Variants in SLC27A6 observed in about 807,000 individuals in gnomAD.
SLC27A6 encodes the protein long-chain fatty acid transport protein 6.
Under a neutral mutation model 63.9 loss-of-function variants are expected in SLC27A6, and 74 were observed. The observed-to-expected ratio is 1.16, with a 90% confidence interval of 0.96 to 1.40. The LOEUF is 1.40. Among genes scored for constraint, SLC27A6 ranks in the 40% most tolerant of loss-of-function variants. The pLI, the probability that SLC27A6 is intolerant of heterozygous loss-of-function variation, is 0.00. For missense variants in SLC27A6, 794 were observed against 732.9 expected (o/e 1.08, Z -0.96); for synonymous variants, 287 against 260.8 (o/e 1.10, Z -0.97).
intron 4 of SLC27A6, among the ~76,000 whole-genome samples, chr5:129,006,230 C>T (rs1370250322): frequency 1.3e-5 from 2 of 151,570 alleles, no homozygotes; most frequent in African/African-American, 4.8e-5. Context: ...AGGCGCCAGC[C>T]GCCGCGCCAG....
rs1025463953 is a variant in SLC27A6, at chr5:128,997,805, A to T, written c.969+7341A>T. On this transcript the variant is annotated intron_variant, in intron 4 of 9. Coordinates refer to ENST00000262462, the MANE Select transcript of SLC27A6 (RefSeq NM_001017372.3). Reference sequence around the variant, plus strand: ...TACGGAATCTAATGACATAGGCTTAATTTCAAGCTCCTGTTGTTTGACTTT... The same window carrying T: ...TACGGAATCTAATGACATAGGCTTATTTTCAAGCTCCTGTTGTTTGACTTT... 2.6e-5 allele frequency among the ~76,000 whole-genome samples: 4 copies of T among 152,164 alleles called. No individual in the cohort carries two copies. In the East Asian group the frequency reaches 5.8e-4, roughly 22 times the overall value.
At position 129,023,705 on chromosome 5, in the gene SLC27A6, A is replaced by T. The variant is rs138778175; in HGVS notation, c.1250A>T (p.Lys417Ile). 1.1e-4 allele frequency: 184 copies of T among 1,604,072 alleles called. No homozygotes were observed. The highest frequency in any genetic ancestry group is 1.4e-4 in the Non-Finnish European group (163 of 1,173,564). ...RNEQGWCIHV[K>I]KGEPGLLISR... ...GAGCAGGGTTGGTGTATTCATGTGA[A>T]AAAAGGTAAGACTTCTATTTGAAGA... is the stretch of plus-strand genomic sequence containing the variant. Residue 417 changes from lysine (K) to isoleucine (I), a missense_variant, in exon 6 of 10, where the codon AAA (lysine) becomes ATA (isoleucine). Transcript: ENST00000262462.
At chr5:128,974,216 G>A (rs924167328) in intron 1 of SLC27A6, among the ~76,000 whole-genome samples, 9 of 152,142 alleles carry the variant, frequency 5.9e-5, no homozygotes, top group Non-Finnish European at 1.0e-4. Flanking sequence ...AGTTTTACTT[G>A]TGCCAGCTTT....
chr5:128,992,647 G>A (rs966779428), intron 4 of SLC27A6, among the ~76,000 whole-genome samples: 1 of 152,176 alleles, frequency 6.6e-6, no homozygotes, highest in Non-Finnish European at 1.5e-5. Flanking sequence ...AAGGGAGGTA[G>A]TCTTAATCTA....
intron 5 of SLC27A6, 83 bp from the exon 6 acceptor site, chr5:129,023,537 G>A: frequency 1.1e-6 from 1 of 893,394 alleles, no homozygotes; most frequent in Non-Finnish European, 1.8e-6. Flanking sequence ...GTCTACTACA[G>A]TAGACTAAAT....
rs117492775 is a variant in SLC27A6, at chr5:129,027,775, T to C, written c.1454+444T>C. Among the ~76,000 whole-genome samples, 61 of 152,262 alleles carry C rather than the reference T, an allele frequency of 4.0e-4. No individual in the cohort carries two copies. In the East Asian group the frequency reaches 0.011, roughly 27 times the overall value. On this transcript the variant is annotated intron_variant, in intron 7 of 9. Coordinates refer to ENST00000262462, the MANE Select transcript of SLC27A6 (RefSeq NM_001017372.3). ...TATTTTGCTTTACTAGTCCAATGAC[T>C]TGAATGAATAAGTAACTTCCTACAT...
chr5:129,029,264 TTTTC>T (rs138035307), intron 8 of SLC27A6, among the ~76,000 whole-genome samples: 42 of 152,196 alleles, frequency 2.8e-4, no homozygotes, highest in African/African-American at 9.1e-4. Context: ...TAAATAAATG[TTTTC>T]TTTCTTAATA....
chr5:129,031,388 C>A (rs1481817325), intron 9 of SLC27A6, among the ~76,000 whole-genome samples: 1 of 151,912 alleles, frequency 6.6e-6, no homozygotes, highest in Non-Finnish European at 1.5e-5. Context: ...ATGGAAGAAG[C>A]CTTTTTGCCA....
At chr5:128,989,698 G>A (rs1750909761) in intron 3 of SLC27A6, among the ~76,000 whole-genome samples, 1 of 152,136 alleles carries the variant, frequency 6.6e-6, no homozygotes, top group South Asian at 2.1e-4. Context: ...GCTGAGGCAG[G>A]TGGATCACGA....
chr5:128,980,880 A>G (rs528273649), intron 1 of SLC27A6, among the ~76,000 whole-genome samples: 1 of 152,326 alleles, frequency 6.6e-6, no homozygotes, highest in Admixed American at 6.5e-5. Flanking sequence ...TTTTTAGTGC[A>G]GCATAAATAA....
chr5:129,007,314 C>T (rs1164890074), intron 4 of SLC27A6, among the ~76,000 whole-genome samples: 5 of 150,712 alleles, frequency 3.3e-5, no homozygotes, highest in African/African-American at 4.9e-5. Flanking sequence ...TGTGGTGGCA[C>T]GTACCTGTAA....
At position 129,029,660 on chromosome 5, in the gene SLC27A6, G is replaced by A; in HGVS notation, c.1636G>A (p.Val546Ile). Reference sequence around the variant, plus strand: ...TTTGGAAAAAGTTTATGAACAAGTTGTAACATTTCTACCAGCTTATGCTTG... The same window carrying A: ...TTTGGAAAAAGTTTATGAACAAGTTATAACATTTCTACCAGCTTATGCTTG... The part of the protein sequence containing the change: ...LDLEKVYEQV[V>I]TFLPAYACPR... Residue 546 changes from valine (V) to isoleucine (I), a missense_variant, in exon 9 of 10, where the codon GTA (valine) becomes ATA (isoleucine). Physicochemically the swap from Val to Ile is conservative, Grantham distance 29. Transcript: ENST00000262462. The A allele has an allele frequency of 6.2e-7, 1 of 1,601,494 alleles. No homozygotes were observed. The highest frequency in any genetic ancestry group is 8.5e-7 in the Non-Finnish European group (1 of 1,175,596).
At chr5:128,968,602 T>G (rs191858152) in intron 1 of SLC27A6, among the ~76,000 whole-genome samples, 362 of 152,316 alleles carry the variant, frequency 2.4e-3, no homozygotes, top group African/African-American at 8.6e-3. Context: ...CACTTTTTGA[T>G]GGGGTTGTTT....
At chr5:128,981,043 A>G (rs1416918435) in intron 1 of SLC27A6, among the ~76,000 whole-genome samples, 3 of 152,228 alleles carry the variant, frequency 2.0e-5, no homozygotes, top group Non-Finnish European at 4.4e-5. Flanking sequence ...CAGGGATTAT[A>G]ATTAACATTT....
chr5:128,970,941 G>T (rs370472193), intron 1 of SLC27A6, among the ~76,000 whole-genome samples: 1 of 152,150 alleles, frequency 6.6e-6, no homozygotes, highest in Non-Finnish European at 1.5e-5. Flanking sequence ...GTTTTCCAGA[G>T]ATTCTGATAT....
chr5:128,997,772 G>A (rs929963433), intron 4 of SLC27A6, among the ~76,000 whole-genome samples: 1 of 152,102 alleles, frequency 6.6e-6, no homozygotes, highest in Non-Finnish European at 1.5e-5. Context: ...ATCTGATAGT[G>A]CATTGGCTAC....
Position 128,985,132 on chromosome 5 carries a change from G to A in SLC27A6, c.482-1G>A, listed in dbSNP as rs892764808. 6.2e-7 allele frequency: 1 copy of A among 1,612,190 alleles called. No homozygotes were observed. Among genetic ancestry groups the A allele is most frequent in the African/African-American group, 1.3e-5 (1 of 74,950 alleles). ...ACTCTTCCCAACCCTTTGGCTTTTAGATTTGCTTGGAACGGTAGAAGAAAT... is the reference window on the plus strand; with the variant it reads ...ACTCTTCCCAACCCTTTGGCTTTTAAATTTGCTTGGAACGGTAGAAGAAAT... On this transcript the variant is annotated splice_acceptor_variant, in intron 1 of 9. Transcript: ENST00000262462. LOFTEE classifies it high-confidence loss of function.
Position 128,965,517 on chromosome 5 carries a change from G to A in SLC27A6, c.-621G>A, listed in dbSNP as rs926023625. 1 of 152,406 alleles carries A rather than the reference G, an allele frequency of 6.6e-6. No individual in the cohort carries two copies. The highest frequency in any genetic ancestry group is 2.4e-5 in the African/African-American group (1 of 41,454). 9.4% of individuals were successfully genotyped at this position (152,406 alleles called of 1,614,324 possible). ...CGCTGGCCCTGAGGCCACGGACCGA[G>A]ACGTGGTGCTGAGCCCCTGCGCGGT... On this transcript the variant is annotated 5_prime_UTR_variant, in exon 1 of 10. Transcript: ENST00000262462.
chr5:129,033,190 C>T lies in SLC27A6; in HGVS notation c.1768C>T (p.Pro590Ser). The T allele has an allele frequency of 6.2e-7, 1 of 1,607,534 alleles. No homozygotes were observed. The highest frequency in any genetic ancestry group is 8.5e-7 in the Non-Finnish European group (1 of 1,176,224). The change falls in exon 10 of 10, where the codon CCA becomes TCA. Residue 590 changes from proline (P) to serine (S), a missense_variant. Transcript: ENST00000262462. ...DGFNPLKISE[P>S]LYFMDNLKKS... ...ATTTAATCCACTGAAAATTTCTGAA[C>T]CACTTTACTTCATGGATAACTTGAA...
Sources: allele counts gnomAD v4.1 joint callset (sites outside exome capture counted in the v4.1 genomes callset), GRCh38; gene constraint gnomAD v4.1.1; transcripts MANE v1.5; gene names NCBI Gene and HGNC (gene_info 2026-07-23, HGNC 2026-07-21).